Variants in MAST4 observed in about 807,000 individuals in gnomAD.
The protein encoded by MAST4 is microtubule associated serine/threonine kinase family member 4, also known as microtubule-associated serine/threonine-protein kinase 4.
Under a neutral mutation model 162.7 loss-of-function variants are expected in MAST4, and 89 were observed. That is an observed-to-expected ratio of 0.55 (90% CI 0.46 to 0.65). MAST4 has a LOEUF of 0.65. Among genes scored for constraint, MAST4 ranks in the 30% least tolerant of loss-of-function variants. MAST4 has a pLI of 0.00. For synonymous variants in MAST4, 1,479 were observed against 1,361.1 expected (o/e 1.09, Z -1.91); for missense variants, 3,153 against 3,374.0 (o/e 0.93, Z 1.62).
At chr5:67,059,392 G>A (rs191827828) in intron 5 of MAST4, among the ~76,000 whole-genome samples, 1 of 152,278 alleles carries the variant, frequency 6.6e-6, no homozygotes, top group African/African-American at 2.4e-5. Context: ...TCTCTTCATA[G>A]TAGTATTCAT....
Position 66,899,260 on chromosome 5 carries a change from G to A in MAST4, c.643-691G>A, listed in dbSNP as rs73765798. 6.5e-3 allele frequency among the ~76,000 whole-genome samples: 992 copies of A among 152,206 alleles called. 9 individuals are homozygous for A. Among genetic ancestry groups the A allele is most frequent in the African/African-American group, 0.022 (921 of 41,518 alleles). On this transcript the variant is annotated intron_variant, in intron 3 of 28. Transcript: ENST00000403625. ...TTGGGTGGTTTTTTAGTTTTCCACA[G>A]CCTCTTGATGATTAGGTAGGTAAGA...
At chr5:66,986,004 G>A (rs138445047) in intron 4 of MAST4, among the ~76,000 whole-genome samples, 5 of 152,118 alleles carry the variant, frequency 3.3e-5, no homozygotes, top group East Asian at 1.9e-4. Context: ...ATGATCCCAC[G>A]GTAGAGGCTG....
chr5:66,892,106 A>G (rs1189782582), intron 3 of MAST4, among the ~76,000 whole-genome samples: 2 of 152,236 alleles, frequency 1.3e-5, no homozygotes, highest in Admixed American at 1.3e-4. Context: ...ATCATTATGC[A>G]TCATTTTGCA....
Position 67,163,797 on chromosome 5 carries a change from A to C in MAST4, c.4618A>C (p.Lys1540Gln), listed in dbSNP as rs758603219. The C allele has an allele frequency of 6.2e-7, 1 of 1,612,284 alleles. No individual in the cohort carries two copies. The highest frequency in any genetic ancestry group is 2.2e-5 in the East Asian group (1 of 44,822). The change falls in exon 29 of 29, where the codon AAA becomes CAA. Residue 1540 changes from lysine (K) to glutamine (Q), a missense_variant. Physicochemically the swap from Lys to Gln is moderately conservative, Grantham distance 53. This residue lies in a region of MAST4 where 1,644 missense variants were observed against 1,495.0 expected (regional missense o/e 1.10). Transcript: ENST00000403625. The surrounding 1 kb of genome is among the most constrained non-coding windows in gnomAD (Gnocchi z 7.0). ...DKLKAKVVVKKADGFPEKQES... is the reference protein window; with the variant it reads ...DKLKAKVVVKQADGFPEKQES... The stretch of plus-strand genomic sequence containing the variant: ...GCTGAAGGCCAAGGTGGTGGTGAAG[A>C]AAGCAGACGGCTTCCCAGAGAAACA...
intron 1 of MAST4, among the ~76,000 whole-genome samples, chr5:66,755,329 T>G (rs1483022287): frequency 6.6e-6 from 1 of 152,222 alleles, no homozygotes; most frequent in Non-Finnish European, 1.5e-5. Flanking sequence ...TGGAAAAAGC[T>G]TTCTCTTTCT....
At chr5:67,073,819 A>G (rs1440054835) in intron 5 of MAST4, among the ~76,000 whole-genome samples, 1 of 152,238 alleles carries the variant, frequency 6.6e-6, no homozygotes, top group Non-Finnish European at 1.5e-5. Flanking sequence ...TATATATACT[A>G]AAATGATTCA....
At chr5:67,118,633 C>T in intron 12 of MAST4, 49 bp from the exon 13 acceptor site, 1 of 1,111,630 alleles carries the variant, frequency 9.0e-7, no homozygotes, top group South Asian at 1.4e-5. Context: ...GTATTCTTAT[C>T]CAATTGCAAT....
chr5:66,872,071 ACCTCTGATATAATGCTAG>A (rs1760969100), intron 3 of MAST4, among the ~76,000 whole-genome samples: 20 of 152,164 alleles, frequency 1.3e-4, no homozygotes, highest in Admixed American at 1.3e-3. Flanking sequence ...AGACACAGAT[ACCTCTGATATAATGCTAG>A]TTTACCACCC....
At chr5:66,853,519 T>C (rs1023474893) in intron 3 of MAST4, among the ~76,000 whole-genome samples, 2 of 152,222 alleles carry the variant, frequency 1.3e-5, no homozygotes, top group African/African-American at 4.8e-5. Flanking sequence ...AGGGAAAAGT[T>C]ATATCACAGA....
chr5:66,613,322 C>CTTTTTTTTTTTTTTTTT (rs67203546), intron 1 of MAST4, among the ~76,000 whole-genome samples: 9 of 141,824 alleles, frequency 6.3e-5, no homozygotes, highest in African/African-American at 2.3e-4. Context: ...TCAGATAACC[C>CTTTTTTTTTTTTTTTTT]TTTTTTTTTT....
intron 1 of MAST4, among the ~76,000 whole-genome samples, chr5:66,706,667 A>C (rs1295642728): frequency 6.6e-6 from 1 of 151,626 alleles, no homozygotes; most frequent in Non-Finnish European, 1.5e-5. Flanking sequence ...ATTCATAAAC[A>C]TTCTTCATCT....
intron 4 of MAST4, among the ~76,000 whole-genome samples, chr5:66,939,763 A>C (rs920789583): frequency 6.6e-6 from 1 of 151,560 alleles, no homozygotes; most frequent in Non-Finnish European, 1.5e-5. Flanking sequence ...TTTTTTCCCC[A>C]GACCACTGCC....
At chr5:66,977,169 C>T (rs140364739) in intron 4 of MAST4, among the ~76,000 whole-genome samples, 2,072 of 152,158 alleles carry the variant, frequency 0.014, 15 homozygotes, top group Non-Finnish European at 0.019. Context: ...GGTGCGATCT[C>T]GGCTCACCGT....
At chr5:66,932,091 C>G (rs538178651) in intron 4 of MAST4, among the ~76,000 whole-genome samples, 88 of 152,212 alleles carry the variant, frequency 5.8e-4, no homozygotes, top group African/African-American at 2.1e-3. Context: ...GTAATGAGGG[C>G]TTTTTATAGA....
At chr5:67,125,197 A>G in intron 14 of MAST4, among the ~76,000 whole-genome samples, 1 of 152,014 alleles carries the variant, frequency 6.6e-6, no homozygotes, top group Non-Finnish European at 1.5e-5. Flanking sequence ...TTTAAATTCT[A>G]ACTTTCATTT....
At chr5:66,946,746 T>C (rs1744073480) in intron 4 of MAST4, among the ~76,000 whole-genome samples, 1 of 152,210 alleles carries the variant, frequency 6.6e-6, no homozygotes, top group African/African-American at 2.4e-5. Flanking sequence ...AAGTTCAGTC[T>C]AAATTCTTTA....
chr5:67,130,203 T>A lies in MAST4; in HGVS notation c.1746-7T>A. 6.2e-7 allele frequency: 1 copy of A among 1,608,394 alleles called. No homozygotes were observed. Among genetic ancestry groups the A allele is most frequent in the Non-Finnish European group, 8.5e-7 (1 of 1,176,892 alleles). On this transcript the variant is annotated splice_region_variant and splice_polypyrimidine_tract_variant and intron_variant, in intron 14 of 28. Coordinates refer to ENST00000403625, the MANE Select transcript of MAST4 (RefSeq NM_001164664.2). ...CTGTCAACCCCAATACTTCTGCTCC[T>A]TTTCAGGGCAGTCTACTTTGTTCGG...
At chr5:66,963,607 A>G (rs954661731) in intron 4 of MAST4, 1 of 721,738 alleles carries the variant, frequency 1.4e-6, no homozygotes, top group Non-Finnish European at 2.6e-6. Context: ...AGCTTGCCAT[A>G]GTGATTCTGG....
At chr5:66,891,684 C>CT (rs1015768633) in intron 3 of MAST4, among the ~76,000 whole-genome samples, 2 of 152,154 alleles carry the variant, frequency 1.3e-5, no homozygotes, top group African/African-American at 4.8e-5. Context: ...CCCTACCTGA[C>CT]TACGTCTGTT....
Sources: gnomAD v4.1 joint callset for allele counts (sites outside exome capture counted in the v4.1 genomes callset) on GRCh38, gnomAD v4.1.1 for gene constraint, gnomAD v4.1.1 regional missense constraint, Gnocchi (gnomAD v3.1) non-coding constraint, MANE v1.5 for transcripts, NCBI Gene and HGNC (gene_info 2026-07-23, HGNC 2026-07-21) for gene names.